EFHC2: variants seen among roughly 807,000 people sequenced by gnomAD.
The protein encoded by EFHC2 is EF-hand domain-containing family member C2.
A neutral mutation model predicts 52.7 loss-of-function variants in EFHC2; 18 were observed. That is an observed-to-expected ratio of 0.34 (90% CI 0.24 to 0.51). The LOEUF (loss-of-function observed/expected upper bound fraction) is 0.51. Ranked by LOEUF, EFHC2 falls within the 20% of genes least tolerant of loss-of-function variation. EFHC2 has a pLI of 0.97. For missense variants in EFHC2, 513 were observed against 562.5 expected, an observed-to-expected ratio of 0.91 and a Z score of 0.89; for synonymous variants, 203 against 204.1, an observed-to-expected ratio of 0.99 and a Z score of 0.04.
chrX:44,195,162 T>G (rs1194825507), intron 11 of EFHC2, among the ~76,000 whole-genome samples: 1 of 112,317 alleles, frequency 8.9e-6, no homozygotes, highest in African/African-American at 3.2e-5. Context: ...GCCACAGGAC[T>G]TGTTCTGGCC....
chrX:44,231,504 C>A (rs760784069), intron 10 of EFHC2, among the ~76,000 whole-genome samples: 1 of 109,653 alleles, frequency 9.1e-6, no homozygotes, highest in East Asian at 2.9e-4. Context: ...ACCTGCCTCC[C>A]GGTCTGAAGG....
chrX:44,310,792 C>T (rs1036703007), intron 2 of EFHC2, among the ~76,000 whole-genome samples: 10 of 111,603 alleles, frequency 9.0e-5, no homozygotes, highest in Non-Finnish European at 1.9e-4. Context: ...AATGAGCAAG[C>T]TCTTCGTTTA....
At chrX:44,150,589 A>G (rs1032233838) in intron 14 of EFHC2, among the ~76,000 whole-genome samples, 3 of 111,890 alleles carry the variant, frequency 2.7e-5, no homozygotes, top group Non-Finnish European at 3.8e-5. Flanking sequence ...CTGGATGTAC[A>G]GAGAATGACA....
Position 44,279,996 on chromosome X carries a change from C to T in EFHC2, c.232-7160G>A, listed in dbSNP as rs183591112. 3.7e-5 allele frequency among the ~76,000 whole-genome samples: 4 copies of T among 107,110 alleles called. No homozygotes were observed. In the East Asian group the frequency reaches 1.2e-3, roughly 32 times the overall value. The allele number at this position is 107,110 out of a possible 115,157, so 93.0% of individuals were successfully genotyped here. On this transcript the variant is annotated intron_variant, in intron 2 of 14. Coordinates refer to ENST00000420999, the MANE Select transcript of EFHC2 (RefSeq NM_025184.4). ...TGGCCACACTGTCCACCACCAGCCC[C>T]CCAACCCCCGCCACAGACATCCACC...
At chrX:44,171,712 C>T (rs1369821116) in intron 13 of EFHC2, among the ~76,000 whole-genome samples, 2 of 111,495 alleles carry the variant, frequency 1.8e-5, no homozygotes, top group Non-Finnish European at 3.8e-5. Context: ...TACATAGAGT[C>T]GATACTCTGT....
In EFHC2 at chrX:44,309,364, C is replaced by T. The variant is rs1195840954; in HGVS notation, c.231+3204G>A. ...GAATTCTCTTTTGGACTTGACACCA[C>T]TCCCATCCTCTGATACTCGCCTACT... On this transcript the variant is annotated intron_variant, in intron 2 of 14. Coordinates refer to ENST00000420999, the MANE Select transcript of EFHC2 (RefSeq NM_025184.4). The T allele has an allele frequency of 9.9e-6, 8 of 808,027 alleles. No individual in the cohort carries two copies. In the African/African-American group the frequency reaches 1.0e-4, roughly 10 times the overall value. The allele number at this position is 808,027 out of a possible 1,213,427, so 66.6% of individuals were successfully genotyped here. A position where few individuals can be genotyped will look rare whatever the true frequency, so the allele number is the denominator to read the frequency against.
chrX:44,298,818 G>A (rs2037846897), intron 2 of EFHC2, among the ~76,000 whole-genome samples: 2 of 88,706 alleles, frequency 2.3e-5, no homozygotes, highest in Non-Finnish European at 4.2e-5. Flanking sequence ...CAGAGACCGC[G>A]CCATTGCACT....
rs551993026 is a variant in EFHC2, at chrX:44,164,995, G to A, written c.2043-968C>T. Among the ~76,000 whole-genome samples the A allele has an allele frequency of 3.7e-4, 41 of 111,506 alleles. No individual in the cohort carries two copies. In the South Asian group the frequency reaches 0.014, roughly 37 times the overall value. ...TGACCTAAACACAAAATTACTTAGT[G>A]TAATGCCTCAATGCCACCTATCCTA... On this transcript the variant is annotated intron_variant, in intron 13 of 14. Coordinates refer to ENST00000420999, the MANE Select transcript of EFHC2 (RefSeq NM_025184.4).
At chrX:44,182,347 T>C (rs976447089) in intron 11 of EFHC2, among the ~76,000 whole-genome samples, 9 of 112,507 alleles carry the variant, frequency 8.0e-5, no homozygotes, top group Non-Finnish European at 1.7e-4. Context: ...CATACATACA[T>C]GGACATGTGG....
intron 11 of EFHC2, among the ~76,000 whole-genome samples, chrX:44,187,660 T>C (rs1333413385): frequency 9.0e-6 from 1 of 111,277 alleles, no homozygotes; most frequent in African/African-American, 3.3e-5. Context: ...TTGTGGTGTG[T>C]GCCTGCAGTC....
chrX:44,211,607 A>T (rs1433724808), intron 11 of EFHC2, among the ~76,000 whole-genome samples: 1 of 110,907 alleles, frequency 9.0e-6, no homozygotes, highest in Non-Finnish European at 1.9e-5. Flanking sequence ...CAAGCCTGTA[A>T]TCCCAGCACT....
intron 1 of EFHC2, among the ~76,000 whole-genome samples, chrX:44,334,716 C>T (rs1352614004): frequency 1.8e-5 from 2 of 112,065 alleles, no homozygotes; most frequent in African/African-American, 3.2e-5. Flanking sequence ...TCAGGTGATC[C>T]GCCTGCCTCA....
chrX:44,244,062 C>CA (rs2037381165), intron 7 of EFHC2, among the ~76,000 whole-genome samples: 1 of 111,965 alleles, frequency 8.9e-6, no homozygotes, highest in South Asian at 3.7e-4. Context: ...TATTGAATCT[C>CA]AAAGTAATTA....
intron 2 of EFHC2, among the ~76,000 whole-genome samples, chrX:44,282,849 G>A (rs1358845003): frequency 2.7e-5 from 3 of 110,300 alleles, no homozygotes; most frequent in Non-Finnish European, 5.7e-5. Flanking sequence ...CTGCAGCTCG[G>A]GTAGACACGT....
intron 11 of EFHC2, among the ~76,000 whole-genome samples, chrX:44,202,540 C>A (rs1423118069): frequency 1.8e-5 from 2 of 112,068 alleles, no homozygotes; most frequent in Non-Finnish European, 3.8e-5. Flanking sequence ...AAACAAGATA[C>A]ATTATATTTA....
intron 2 of EFHC2, chrX:44,310,283 G>C: frequency 2.3e-6 from 2 of 862,359 alleles, no homozygotes; most frequent in Non-Finnish European, 3.2e-6. Flanking sequence ...CCTCCACGCC[G>C]GGGGCAGCTG....
intron 1 of EFHC2, among the ~76,000 whole-genome samples, chrX:44,342,831 G>T (rs1244175530): frequency 1.1e-5 from 1 of 93,967 alleles, no homozygotes; most frequent in East Asian, 3.4e-4. Context: ...AGCCGAGATC[G>T]GGTCACTGCA....
chrX:44,214,549 G>A (rs1378158395), intron 11 of EFHC2, among the ~76,000 whole-genome samples: 1 of 111,984 alleles, frequency 8.9e-6, no homozygotes, highest in Admixed American at 9.5e-5. Context: ...GAGAAATAAA[G>A]ACTTTCTCAG....
At chrX:44,292,975 CTTTT>C (rs370747140) in intron 2 of EFHC2, among the ~76,000 whole-genome samples, 3 of 94,184 alleles carry the variant, frequency 3.2e-5, no homozygotes, top group Admixed American at 1.2e-4. Flanking sequence ...TCCTTTCTTT[CTTTT>C]TTTTTTTTTT....
Sources: gnomAD v4.1 joint callset for allele counts (sites outside exome capture counted in the v4.1 genomes callset) on GRCh38, gnomAD v4.1.1 for gene constraint, MANE v1.5 for transcripts, NCBI Gene and HGNC (gene_info 2026-07-23, HGNC 2026-07-21) for gene names.